RAB30: variants seen among roughly 807,000 people sequenced by gnomAD.
RAB30 encodes the protein RAB30, member RAS oncogene family.
RAB30 carries 9 observed loss-of-function variants against 25.1 expected under a neutral mutation model. The observed-to-expected ratio is 0.36, with a 90% CI of 0.22 to 0.63. RAB30 has a LOEUF of 0.63. Among genes scored for constraint, RAB30 ranks in the 20% least tolerant of loss-of-function variants. RAB30 has a pLI of 0.69. For synonymous variants in RAB30, 77 were observed against 86.4 expected (o/e 0.89, Z 0.60); for missense variants, 140 against 243.5 (o/e 0.58, Z 2.83).
At chr11:83,060,239 G>A (rs532957203) in intron 1 of RAB30, 25 of 152,094 alleles carry the variant, frequency 1.6e-4, no homozygotes, top group African/African-American at 5.5e-4. Context: ...CAGAGGGGTT[G>A]GGGGCTGAAA....
intron 1 of RAB30, among the ~76,000 whole-genome samples, chr11:83,058,053 T>C (rs746844385): frequency 6.6e-6 from 1 of 152,184 alleles, no homozygotes; most frequent in Non-Finnish European, 1.5e-5. Flanking sequence ...TCACCATCTT[T>C]ACCTCTTTAT....
intron 1 of RAB30, among the ~76,000 whole-genome samples, chr11:83,068,737 A>G (rs1341892231): frequency 6.6e-6 from 1 of 152,174 alleles, no homozygotes; most frequent in African/African-American, 2.4e-5. Flanking sequence ...TTGTCCCACT[A>G]TAAGCATCTC....
At chr11:83,055,473 T>C (rs1217330953) in intron 1 of RAB30, among the ~76,000 whole-genome samples, 4 of 152,234 alleles carry the variant, frequency 2.6e-5, no homozygotes, top group Admixed American at 6.5e-5. Context: ...ACCTTCCTCA[T>C]TGACACACAA....
At chr11:83,007,152 CA>C (rs554423077) in intron 1 of RAB30, among the ~76,000 whole-genome samples, 432 of 152,282 alleles carry the variant, frequency 2.8e-3, no homozygotes, top group African/African-American at 9.7e-3. Flanking sequence ...GCCAGAAGAG[CA>C]AACACAGGTC....
At chr11:83,049,101 C>A (rs1590874857) in intron 1 of RAB30, among the ~76,000 whole-genome samples, 1 of 152,186 alleles carries the variant, frequency 6.6e-6, no homozygotes, top group African/African-American at 2.4e-5. Context: ...AAAGTCCTTG[C>A]AAACTATTTA....
Position 82,977,220 on chromosome 11 carries a change from A to G in RAB30, c.*4945T>C, listed in dbSNP as rs997511989. ...TACCTTTTGATTCAACAGGACATCA[A>G]TGAATGGACCGACAAAGCAAGTCCA... On this transcript the variant is annotated 3_prime_UTR_variant, in exon 5 of 5. Coordinates refer to ENST00000527633, the MANE Select transcript of RAB30 (RefSeq NM_001286060.2). 2.6e-5 allele frequency: 4 copies of G among 152,240 alleles called. No individual in the cohort carries two copies. The highest frequency in any genetic ancestry group is 4.4e-5 in the Non-Finnish European group (3 of 68,042). The allele number at this position is 152,240 out of a possible 1,614,324, so 9.4% of individuals were successfully genotyped here. A position where few individuals can be genotyped will look rare whatever the true frequency, so the allele number is the denominator to read the frequency against.
At chr11:83,019,577 T>C (rs1360821440) in intron 1 of RAB30, among the ~76,000 whole-genome samples, 1 of 152,152 alleles carries the variant, frequency 6.6e-6, no homozygotes, top group African/African-American at 2.4e-5. Flanking sequence ...GTTTGCTTCT[T>C]CCTTCAGGGC....
At chr11:83,014,671 A>AAAG (rs917099321) in intron 1 of RAB30, among the ~76,000 whole-genome samples, 1 of 150,348 alleles carries the variant, frequency 6.7e-6, no homozygotes, top group Non-Finnish European at 1.5e-5. Context: ...AGAAAGAAAG[A>AAAG]AAGAAAGAAA....
At chr11:82,991,018 A>T (rs2121449828) in intron 3 of RAB30, among the ~76,000 whole-genome samples, 1 of 152,222 alleles carries the variant, frequency 6.6e-6, no homozygotes, top group African/African-American at 2.4e-5. Flanking sequence ...CCTGGAAAAA[A>T]TGATACTTGT....
At chr11:83,003,385 T>C (rs1857126799) in intron 1 of RAB30, among the ~76,000 whole-genome samples, 1 of 152,206 alleles carries the variant, frequency 6.6e-6, no homozygotes, top group South Asian at 2.1e-4. Context: ...TGGGGAATAA[T>C]TACAGTTAGC....
intron 1 of RAB30, among the ~76,000 whole-genome samples, chr11:83,019,250 T>G (rs1857509696): frequency 6.6e-6 from 1 of 152,192 alleles, no homozygotes; most frequent in Admixed American, 6.5e-5. Flanking sequence ...GGTCTCGAAC[T>G]CCTGACCTCA....
intron 1 of RAB30, among the ~76,000 whole-genome samples, chr11:83,056,570 T>C (rs1200070406): frequency 2.0e-5 from 3 of 152,136 alleles, no homozygotes; most frequent in East Asian, 3.8e-4. Flanking sequence ...TAAATACTTA[T>C]CAAGTAAAAA....
At chr11:83,030,721 C>T (rs1374365862) in intron 1 of RAB30, among the ~76,000 whole-genome samples, 3 of 151,458 alleles carry the variant, frequency 2.0e-5, no homozygotes, top group African/African-American at 4.9e-5. Flanking sequence ...TGCTTGAACC[C>T]GGGAGGCAGA....
intron 1 of RAB30, among the ~76,000 whole-genome samples, chr11:83,005,718 G>C (rs1857170159): frequency 6.6e-6 from 1 of 151,766 alleles, no homozygotes; most frequent in African/African-American, 2.4e-5. Flanking sequence ...CAAAATCAAG[G>C]CTATAAAGTA....
intron 1 of RAB30, among the ~76,000 whole-genome samples, chr11:83,027,870 T>TCTGG (rs1565281988): frequency 6.6e-6 from 1 of 152,190 alleles, no homozygotes; most frequent in African/African-American, 2.4e-5. Flanking sequence ...ATTTGTCCAT[T>TCTGG]CTGGCCATTT....
At chr11:82,983,491 C>T (rs1407743036) in intron 4 of RAB30, among the ~76,000 whole-genome samples, 1 of 152,104 alleles carries the variant, frequency 6.6e-6, no homozygotes. Context: ...AGGGCAGTGG[C>T]GCGATCCTGA....
At chr11:83,009,869 T>C (rs1052705434) in intron 1 of RAB30, among the ~76,000 whole-genome samples, 2 of 152,092 alleles carry the variant, frequency 1.3e-5, no homozygotes, top group Non-Finnish European at 2.9e-5. Context: ...AAGAGGAAAA[T>C]TCTGCTTCTG....
chr11:83,048,453 A>G (rs1351745853), intron 1 of RAB30, among the ~76,000 whole-genome samples: 1 of 148,722 alleles, frequency 6.7e-6, no homozygotes, highest in Non-Finnish European at 1.5e-5. Flanking sequence ...CCTGGGCAAC[A>G]GTGAGACACT....
At position 83,059,276 on chromosome 11, in the gene RAB30, A is replaced by G. The variant is rs1178470251; in HGVS notation, c.-9+12415T>C. On this transcript the variant is annotated intron_variant, in intron 1 of 4. Transcript: ENST00000527633. ...GGTTTCTGTGTGCAAAATCGAATAT[A>G]TTTTCTTATCCTCAATTTAGTTCAC... 2.6e-5 allele frequency among the ~76,000 whole-genome samples: 4 copies of G among 151,952 alleles called. No homozygotes were observed. The East Asian group carries it at 7.7e-4, about 29-fold the overall frequency.
Sources: gnomAD v4.1 joint callset for allele counts (sites outside exome capture counted in the v4.1 genomes callset) on GRCh38, gnomAD v4.1.1 for gene constraint, MANE v1.5 for transcripts, NCBI Gene and HGNC (gene_info 2026-07-23, HGNC 2026-07-21) for gene names.